The following ZNF609 variants were observed in gnomAD, a reference collection of about 807,000 sequenced individuals.
ZNF609 encodes zinc finger protein 609.
In ZNF609, 11 loss-of-function variants were observed where a neutral mutation model predicts 109.5. That is an observed-to-expected ratio of 0.10 (90% CI 0.06 to 0.17). ZNF609 has a LOEUF of 0.17. Ranked by LOEUF, ZNF609 falls within the 10% of genes least tolerant of loss-of-function variation. The pLI is 1.00. For missense variants in ZNF609, 1,559 were observed against 1,772.4 expected (o/e 0.88, Z 2.16); for synonymous variants, 646 against 662.0 (o/e 0.98, Z 0.37).
chr15:64,491,869 G>A (rs1434533196), intron 1 of ZNF609, among the ~76,000 whole-genome samples: 1 of 151,476 alleles, frequency 6.6e-6, no homozygotes, highest in African/African-American at 2.4e-5. Flanking sequence ...AAAACCATGA[G>A]TCTTGAGATT....
chr15:64,546,601 T>C (rs1450185661), intron 2 of ZNF609, among the ~76,000 whole-genome samples: 1 of 151,736 alleles, frequency 6.6e-6, no homozygotes. Context: ...GCCTGCTGAG[T>C]AGCTGGGACA....
chr15:64,598,740 GTGTATATA>G lies in ZNF609; in HGVS notation c.748-24085_748-24078del, dbSNP rs1259894145. On this transcript the variant is annotated intron_variant, in intron 2 of 9. Coordinates refer to ENST00000326648, the MANE Select transcript of ZNF609 (RefSeq NM_015042.2). Reference sequence around the variant, plus strand: ...AACTGTCCATCATACATCTTTGTGTGTGTATATATATATATATATATATATATATATAT... The same window carrying G: ...AACTGTCCATCATACATCTTTGTGTGTATATATATATATATATATATATAT... 8.7e-3 allele frequency among the ~76,000 whole-genome samples: 740 copies of G among 84,574 alleles called. 6 individuals carry two copies. The highest frequency in any genetic ancestry group is 0.032 in the African/African-American group (699 of 22,028). 55.5% of individuals were successfully genotyped at this position (84,574 alleles called of 152,430 possible).
At chr15:64,485,890 T>C (rs1019102367) in intron 1 of ZNF609, among the ~76,000 whole-genome samples, 1 of 152,222 alleles carries the variant, frequency 6.6e-6, no homozygotes, top group Non-Finnish European at 1.5e-5. Context: ...TATCATAATT[T>C]TGACATTGAT....
At chr15:64,484,708 G>C (rs917269505) in intron 1 of ZNF609, among the ~76,000 whole-genome samples, 3 of 148,296 alleles carry the variant, frequency 2.0e-5, no homozygotes, top group African/African-American at 7.5e-5. Context: ...GGATGCGGTG[G>C]CTTATGCCTG....
intron 4 of ZNF609, among the ~76,000 whole-genome samples, chr15:64,670,747 G>T (rs1242720349): frequency 2.0e-5 from 3 of 151,834 alleles, no homozygotes; most frequent in Non-Finnish European, 4.4e-5. Context: ...GCATGGTGGT[G>T]CATGCCTGTA....
At chr15:64,545,495 C>A (rs1894343455) in intron 2 of ZNF609, among the ~76,000 whole-genome samples, 2 of 152,082 alleles carry the variant, frequency 1.3e-5, no homozygotes, top group South Asian at 4.1e-4. Context: ...CAACACACTT[C>A]GCCAGGATTT....
chr15:64,656,936 A>G (rs1050925652), intron 3 of ZNF609, among the ~76,000 whole-genome samples: 4 of 152,208 alleles, frequency 2.6e-5, no homozygotes, highest in Non-Finnish European at 2.9e-5. Flanking sequence ...TTGAATCTTC[A>G]GTAGCACTTG....
rs1309765261 is a variant in ZNF609, at chr15:64,685,152, GTTCC to G, written c.*3469_*3472del. On this transcript the variant is annotated 3_prime_UTR_variant, in exon 10 of 10. Coordinates refer to ENST00000326648, the MANE Select transcript of ZNF609 (RefSeq NM_015042.2). ...CCTTCTGTAAAGTGTACATTACCAA[GTTCC>G]TTGTTTTTTTATATATATATATAAA... 3 of 151,204 alleles carry G rather than the reference GTTCC, an allele frequency of 2.0e-5. No individual in the cohort carries two copies. Among genetic ancestry groups the G allele is most frequent in the Non-Finnish European group, 2.9e-5 (2 of 67,806 alleles). 9.4% of individuals were successfully genotyped at this position (151,204 alleles called of 1,614,324 possible).
intron 1 of ZNF609, among the ~76,000 whole-genome samples, chr15:64,482,946 A>G (rs1468342722): frequency 1.3e-5 from 2 of 152,204 alleles, no homozygotes; most frequent in Non-Finnish European, 1.5e-5. Context: ...AAAAGCTCTG[A>G]AAACTGAAAG....
intron 1 of ZNF609, among the ~76,000 whole-genome samples, chr15:64,488,426 A>G (rs975494898): frequency 2.0e-5 from 3 of 152,210 alleles, no homozygotes; most frequent in Non-Finnish European, 2.9e-5. Flanking sequence ...TGGTGAGCAC[A>G]AGAGAGACAG....
At chr15:64,463,979 A>G (rs1054027299) in intron 1 of ZNF609, among the ~76,000 whole-genome samples, 1 of 152,112 alleles carries the variant, frequency 6.6e-6, no homozygotes, top group Non-Finnish European at 1.5e-5. Flanking sequence ...GCCACAAGGA[A>G]TCTCATGTGA....
intron 2 of ZNF609, among the ~76,000 whole-genome samples, chr15:64,598,554 T>C (rs1377106681): frequency 2.0e-5 from 3 of 151,648 alleles, no homozygotes; most frequent in African/African-American, 4.8e-5. Context: ...AATGGGCCAA[T>C]ATAGTACATG....
At chr15:64,646,214 G>C (rs893650390) in intron 3 of ZNF609, among the ~76,000 whole-genome samples, 1 of 152,132 alleles carries the variant, frequency 6.6e-6, no homozygotes, top group African/African-American at 2.4e-5. Flanking sequence ...AGAAATGAAA[G>C]CTGGTACAGT....
intron 2 of ZNF609, among the ~76,000 whole-genome samples, chr15:64,603,204 G>T (rs1038946460): frequency 1.3e-5 from 2 of 151,466 alleles, no homozygotes; most frequent in South Asian, 2.1e-4. Context: ...AGATAATGGC[G>T]TCAGAAATCT....
intron 3 of ZNF609, among the ~76,000 whole-genome samples, chr15:64,660,765 G>A (rs1185838201): frequency 2.6e-5 from 4 of 151,934 alleles, no homozygotes; most frequent in Non-Finnish European, 4.4e-5. Flanking sequence ...TGCTTTTTCC[G>A]CTGCCTAAAA....
intron 2 of ZNF609, among the ~76,000 whole-genome samples, chr15:64,533,798 T>C (rs1894096443): frequency 6.6e-6 from 1 of 152,224 alleles, no homozygotes; most frequent in East Asian, 1.9e-4. Context: ...CCCAATTTCC[T>C]CCAATAGCAG....
At chr15:64,461,960 T>C (rs1892948000) in intron 1 of ZNF609, among the ~76,000 whole-genome samples, 1 of 152,128 alleles carries the variant, frequency 6.6e-6, no homozygotes, top group Admixed American at 6.5e-5. Flanking sequence ...CCACACACAA[T>C]AGTCGTGTCA....
intron 1 of ZNF609, among the ~76,000 whole-genome samples, chr15:64,492,667 G>A (rs1305185191): frequency 1.3e-5 from 2 of 152,096 alleles, no homozygotes; most frequent in Non-Finnish European, 2.9e-5. Flanking sequence ...CAGTCGTGAG[G>A]TGCTGTACCC....
At chr15:64,599,168 G>GTGTT (rs1895451982) in intron 2 of ZNF609, among the ~76,000 whole-genome samples, 2 of 46,494 alleles carry the variant, frequency 4.3e-5, no homozygotes, top group African/African-American at 1.5e-4. Context: ...TTTTGTGGTG[G>GTGTT]TTTTTTTTTT....
Sources: gnomAD v4.1 joint callset for allele counts (sites outside exome capture counted in the v4.1 genomes callset) on GRCh38, gnomAD v4.1.1 for gene constraint, MANE v1.5 for transcripts, NCBI Gene and HGNC (gene_info 2026-07-23, HGNC 2026-07-21) for gene names.